FTO: variants seen among roughly 807,000 people sequenced by gnomAD.
FTO encodes the protein FTO alpha-ketoglutarate dependent dioxygenase.
A neutral mutation model predicts 63.9 loss-of-function variants in FTO; 47 were observed. That is an observed-to-expected ratio of 0.74 (90% CI 0.58 to 0.94). The LOEUF is 0.94. Among genes scored for constraint, FTO ranks in the 40% least tolerant of loss-of-function variants. The pLI is 0.00. For missense variants in FTO, 562 were observed against 618.1 expected (o/e 0.91, Z 0.96); for synonymous variants, 207 against 224.4 (o/e 0.92, Z 0.69).
intron 8 of FTO, among the ~76,000 whole-genome samples, chr16:54,018,850 G>A (rs1478364555): frequency 6.6e-6 from 1 of 152,108 alleles, no homozygotes; most frequent in African/African-American, 2.4e-5. Flanking sequence ...AGTTTTGGCC[G>A]TTCTCTATAG....
chr16:53,994,760 G>T (rs1388538304), intron 8 of FTO, among the ~76,000 whole-genome samples: 2 of 151,298 alleles, frequency 1.3e-5, no homozygotes, highest in Admixed American at 6.6e-5. Context: ...CTGAGACAAG[G>T]TCTCGCTCTG....
chr16:53,860,135 A>G lies in FTO; in HGVS notation c.896-13651A>G, dbSNP rs185882855. 3.4e-3 allele frequency among the ~76,000 whole-genome samples: 515 copies of G among 152,132 alleles called. 2 individuals carry two copies. The highest frequency in any genetic ancestry group is 0.01 in the Middle Eastern group (3 of 294). On this transcript the variant is annotated intron_variant, in intron 4 of 8. Transcript: ENST00000471389. Reference sequence around the variant, plus strand: ...CCCACACATATCCACACATAATGAAATATTACTCAGTCTTAAAAAAGAAGG... The same window carrying G: ...CCCACACATATCCACACATAATGAAGTATTACTCAGTCTTAAAAAAGAAGG...
Position 53,900,390 on chromosome 16 carries a change from A to G in FTO, c.1239+11439A>G, listed in dbSNP as rs562720518. 2.2e-4 allele frequency among the ~76,000 whole-genome samples: 33 copies of G among 152,310 alleles called. No individual in the cohort carries two copies. The East Asian group carries it at 6.4e-3, about 29-fold the overall frequency. On this transcript the variant is annotated intron_variant, in intron 7 of 8. Transcript: ENST00000471389. ...AGTTAAATAGAATATTCTCAAAAAA[A>G]GGGCAATGTGTTAAGACTCTTGGTT... is the stretch of plus-strand genomic sequence containing the variant.
At chr16:53,881,160 AT>A (rs1372798105) in intron 6 of FTO, among the ~76,000 whole-genome samples, 1 of 151,386 alleles carries the variant, frequency 6.6e-6, no homozygotes, top group African/African-American at 2.4e-5. Context: ...TAAAAATAAA[AT>A]AAAAAAGAAT....
At chr16:53,735,151 T>C (rs956308901) in intron 1 of FTO, among the ~76,000 whole-genome samples, 3 of 152,254 alleles carry the variant, frequency 2.0e-5, no homozygotes, top group Non-Finnish European at 4.4e-5. Flanking sequence ...ATTTTTATCT[T>C]TTGTTCCACA....
intron 8 of FTO, among the ~76,000 whole-genome samples, chr16:53,982,643 G>A (rs2083574493): frequency 6.6e-6 from 1 of 152,178 alleles, no homozygotes; most frequent in South Asian, 2.1e-4. Flanking sequence ...TGGAAGCTGT[G>A]CCCAAGAAAC....
In FTO at chr16:53,852,101, C is replaced by CAAAAAAAAAAAAAA. The variant is rs57004473; in HGVS notation, c.895+7809_895+7822dup. On this transcript the variant is annotated intron_variant, in intron 4 of 8. Coordinates refer to ENST00000471389, the MANE Select transcript of FTO (RefSeq NM_001080432.3). ...CAAAACTCTGTCTCTACAAAAAATA[C>CAAAAAAAAAAAAAA]AAAAAAAAAAAAAAAAAAAGCCAGG... Among the ~76,000 whole-genome samples, 16 of 54,442 alleles carry CAAAAAAAAAAAAAA rather than the reference C, an allele frequency of 2.9e-4. 1 individual carries two copies. The highest frequency in any genetic ancestry group is 1.7e-3 in the South Asian group (2 of 1,212). 35.7% of individuals were successfully genotyped at this position (54,442 alleles called of 152,430 possible). A position where few individuals can be genotyped will look rare whatever the true frequency, so the allele number is the denominator to read the frequency against.
intron 2 of FTO, among the ~76,000 whole-genome samples, chr16:53,813,125 A>G (rs1567318578): frequency 1.3e-5 from 2 of 152,134 alleles, no homozygotes; most frequent in Non-Finnish European, 2.9e-5. Context: ...CAGAACAACT[A>G]TCAAGACTTC....
chr16:54,034,479 A>G (rs1278722436), intron 8 of FTO, among the ~76,000 whole-genome samples: 2 of 152,216 alleles, frequency 1.3e-5, no homozygotes, highest in African/African-American at 4.8e-5. Context: ...TTATTAGGAA[A>G]TAATCATTTC....
intron 7 of FTO, among the ~76,000 whole-genome samples, chr16:53,892,449 C>T (rs1421892703): frequency 1.3e-5 from 2 of 152,122 alleles, no homozygotes; most frequent in African/African-American, 4.8e-5. Context: ...ATAAAAAGTA[C>T]AGTGTTTGGT....
At chr16:54,054,797 G>A (rs1195912413) in intron 8 of FTO, among the ~76,000 whole-genome samples, 3 of 152,156 alleles carry the variant, frequency 2.0e-5, no homozygotes, top group Admixed American at 6.5e-5. Context: ...TAATGAAAAA[G>A]GAGTGAAAGA....
intron 7 of FTO, among the ~76,000 whole-genome samples, chr16:53,907,591 A>T (rs2151937015): frequency 6.6e-6 from 1 of 152,300 alleles, no homozygotes; most frequent in East Asian, 1.9e-4. Context: ...ATCATAAGTC[A>T]AACTGTCATA....
At chr16:53,732,204 A>T (rs1337971359) in intron 1 of FTO, among the ~76,000 whole-genome samples, 1 of 151,210 alleles carries the variant, frequency 6.6e-6, no homozygotes, top group African/African-American at 2.4e-5. Context: ...GCCCGCCACC[A>T]CGCCCGGCTA....
intron 8 of FTO, among the ~76,000 whole-genome samples, chr16:54,096,429 A>T (rs573221371): frequency 6.6e-6 from 1 of 152,306 alleles, no homozygotes; most frequent in African/African-American, 2.4e-5. Context: ...AGCTGCACCA[A>T]CATATAATTG....
chr16:53,837,187 T>TC (rs1316337694), intron 3 of FTO, among the ~76,000 whole-genome samples: 6 of 152,188 alleles, frequency 3.9e-5, no homozygotes, highest in South Asian at 2.1e-4. Context: ...TAGCAGTTTT[T>TC]CTCTCCTTTT....
chr16:53,776,414 T>G (rs906903693), intron 1 of FTO, among the ~76,000 whole-genome samples: 1 of 152,202 alleles, frequency 6.6e-6, no homozygotes, highest in Non-Finnish European at 1.5e-5. Context: ...TTCTTTCTGC[T>G]TTTTGTGTGT....
intron 8 of FTO, among the ~76,000 whole-genome samples, chr16:53,965,505 C>G (rs1284859711): frequency 6.6e-6 from 1 of 152,094 alleles, no homozygotes; most frequent in Non-Finnish European, 1.5e-5. Flanking sequence ...AAAGTAATCA[C>G]CCTTCCCCAC....
At chr16:53,790,301 C>T (rs955943262) in intron 1 of FTO, among the ~76,000 whole-genome samples, 2 of 151,816 alleles carry the variant, frequency 1.3e-5, no homozygotes, top group Non-Finnish European at 2.9e-5. Context: ...TCCCCCAGCC[C>T]CTGGCAACCA....
chr16:53,898,675 T>C (rs978476829), intron 7 of FTO, among the ~76,000 whole-genome samples: 1 of 152,160 alleles, frequency 6.6e-6, no homozygotes, highest in Non-Finnish European at 1.5e-5. Context: ...CCCATGTTGA[T>C]CAGTGTGGCC....
Sources: allele counts gnomAD v4.1 joint callset (sites outside exome capture counted in the v4.1 genomes callset), GRCh38; gene constraint gnomAD v4.1.1; transcripts MANE v1.5; gene names NCBI Gene and HGNC (gene_info 2026-07-23, HGNC 2026-07-21).